Variants in GABRA5 observed in about 807,000 individuals in gnomAD.
GABRA5 encodes the protein gamma-aminobutyric acid receptor subunit alpha-5.
In GABRA5, 18 loss-of-function variants were observed where a neutral mutation model predicts 47.3. The observed-to-expected ratio is 0.38, with a 90% CI of 0.26 to 0.56. GABRA5 has a LOEUF of 0.56. Among genes scored for constraint, GABRA5 ranks in the 20% least tolerant of loss-of-function variants. The pLI is 0.71. For missense variants in GABRA5, 365 were observed against 599.3 expected (o/e 0.61, Z 4.08); for synonymous variants, 237 against 229.3 (o/e 1.03, Z -0.30).
intron 7 of GABRA5, among the ~76,000 whole-genome samples, chr15:26,935,770 C>A (rs907874892): frequency 6.6e-6 from 1 of 152,194 alleles, no homozygotes; most frequent in African/African-American, 2.4e-5. Flanking sequence ...TATCCTCCCC[C>A]CTGCATCTCT....
At chr15:26,912,096 T>C (rs1893610016) in intron 6 of GABRA5, among the ~76,000 whole-genome samples, 1 of 152,202 alleles carries the variant, frequency 6.6e-6, no homozygotes, top group Admixed American at 6.5e-5. Flanking sequence ...GCCCCGCGTG[T>C]TCCTGTTACA....
At chr15:26,938,718 TG>T (rs1894307687) in intron 8 of GABRA5, among the ~76,000 whole-genome samples, 1 of 152,208 alleles carries the variant, frequency 6.6e-6, no homozygotes, top group Non-Finnish European at 1.5e-5. Context: ...CTGCGGACTA[TG>T]GGGAAAGTGC....
chr15:26,884,831 A>G (rs1280886839), intron 6 of GABRA5, among the ~76,000 whole-genome samples: 1 of 152,210 alleles, frequency 6.6e-6, no homozygotes, highest in Non-Finnish European at 1.5e-5. Flanking sequence ...GCAGTCTTTC[A>G]TCCTGCTGCT....
In GABRA5 at chr15:26,883,170, C is replaced by A; in HGVS notation, c.213C>A (p.Arg71=). Residue 71 remains arginine, a synonymous_variant, in exon 5 of 11, where the codon CGC becomes CGA. Coordinates refer to ENST00000335625, the MANE Select transcript of GABRA5 (RefSeq NM_000810.4). This position sits in a 1 kb window ranked among gnomAD's most constrained non-coding sequence, Gnocchi z 4.8. ...GGACCTGTGTCTGTCTTTCAGAGCG[C>A]ATCACTCAGGTGAGGACCGACATCT... ...DNRLRPGLGE[R]ITQVRTDIYV... 1 of 1,613,654 alleles carries A rather than the reference C, an allele frequency of 6.2e-7. No homozygotes were observed. The highest frequency in any genetic ancestry group is 8.5e-7 in the Non-Finnish European group (1 of 1,179,602).
chr15:26,930,006 C>CTTT (rs72082419), intron 7 of GABRA5, among the ~76,000 whole-genome samples: 36 of 113,364 alleles, frequency 3.2e-4, no homozygotes, highest in African/African-American at 9.4e-4. Context: ...TCTTCTTCTT[C>CTTT]TTTTTTTTTT....
chr15:26,866,933 G>A (rs1490972491), upstream of GABRA5: 1 of 152,210 alleles, frequency 6.6e-6, no homozygotes, highest in Non-Finnish European at 1.5e-5. Context: ...GAGGGCCCTG[G>A]AGAAACTTCA....
chr15:26,902,926 G>A (rs1264418127), intron 6 of GABRA5, among the ~76,000 whole-genome samples: 1 of 152,084 alleles, frequency 6.6e-6, no homozygotes, highest in African/African-American at 2.4e-5. Flanking sequence ...TTAGCCTGTT[G>A]ATGTAATGGA....
intron 6 of GABRA5, among the ~76,000 whole-genome samples, chr15:26,903,899 T>G (rs192415153): frequency 3.3e-4 from 50 of 152,268 alleles, no homozygotes; most frequent in African/African-American, 1.2e-3. Context: ...AGATATTTTC[T>G]CTCATTCTAT....
chr15:26,909,566 C>A (rs1486405003), intron 6 of GABRA5, among the ~76,000 whole-genome samples: 2 of 152,196 alleles, frequency 1.3e-5, no homozygotes, highest in Non-Finnish European at 2.9e-5. Context: ...TTTGGACGCT[C>A]TAGGGGAGAG....
At chr15:26,938,187 G>A (rs1169173318) in intron 8 of GABRA5, among the ~76,000 whole-genome samples, 2 of 152,202 alleles carry the variant, frequency 1.3e-5, no homozygotes, top group Non-Finnish European at 2.9e-5. Flanking sequence ...GCACACACAC[G>A]CAGTCAGCAC....
intron 6 of GABRA5, among the ~76,000 whole-genome samples, chr15:26,887,339 T>C (rs1566867739): frequency 6.6e-6 from 1 of 152,154 alleles, no homozygotes; most frequent in Non-Finnish European, 1.5e-5. Flanking sequence ...TATTTATTTA[T>C]TTATTTTTGA....
At chr15:26,881,517 T>A (rs1892728944) in intron 4 of GABRA5, among the ~76,000 whole-genome samples, 1 of 152,216 alleles carries the variant, frequency 6.6e-6, no homozygotes, top group Non-Finnish European at 1.5e-5. Flanking sequence ...ATGTAGATTG[T>A]TCTTGTAGGG....
chr15:26,891,336 G>A (rs1014175736), intron 6 of GABRA5, among the ~76,000 whole-genome samples: 15 of 152,192 alleles, frequency 9.9e-5, no homozygotes, highest in Non-Finnish European at 1.9e-4. Context: ...ACATTTGGTA[G>A]TATCTTTATC....
rs1216797208 is a variant in GABRA5 at position 26,890,605 on chromosome 15, T to A, written c.497+7048T>A. 2.6e-5 allele frequency among the ~76,000 whole-genome samples: 4 copies of A among 152,264 alleles called. 1 individual carries two copies. The highest frequency in any genetic ancestry group is 2.6e-4 in the Admixed American group (4 of 15,290). ...AGGCACGCAGCCACACCATCCTTCA[T>A]GTCCTCAGTCACTGAAGACAGAGAC... On this transcript the variant is annotated intron_variant, in intron 6 of 10. Coordinates refer to ENST00000335625, the MANE Select transcript of GABRA5 (RefSeq NM_000810.4).
At chr15:26,936,866 A>C (rs1362106611) in intron 7 of GABRA5, among the ~76,000 whole-genome samples, 1 of 152,212 alleles carries the variant, frequency 6.6e-6, no homozygotes, top group South Asian at 2.1e-4. Context: ...CCAAAGTCAC[A>C]GAGCTGGAGG....
chr15:26,924,988 T>C (rs1270730119), intron 7 of GABRA5, among the ~76,000 whole-genome samples: 3 of 152,136 alleles, frequency 2.0e-5, no homozygotes, highest in Non-Finnish European at 4.4e-5. Flanking sequence ...CCTACATTTA[T>C]TTTATGTATA....
At chr15:26,903,526 GC>G (rs1464843804) in intron 6 of GABRA5, among the ~76,000 whole-genome samples, 3 of 152,036 alleles carry the variant, frequency 2.0e-5, no homozygotes, top group African/African-American at 7.2e-5. Flanking sequence ...TTGAGGAGTT[GC>G]CCCACTGCTT....
intron 9 of GABRA5, among the ~76,000 whole-genome samples, chr15:26,942,552 C>T (rs769168254): frequency 6.6e-6 from 1 of 152,180 alleles, no homozygotes; most frequent in Non-Finnish European, 1.5e-5. Context: ...CTACTGGCTG[C>T]GGCATGAATG....
intron 7 of GABRA5, among the ~76,000 whole-genome samples, chr15:26,931,877 G>C (rs1859060668): frequency 6.6e-6 from 1 of 152,116 alleles, no homozygotes; most frequent in African/African-American, 2.4e-5. Flanking sequence ...CAAACAGGAA[G>C]GGTCTTAAAT....
Sources: allele counts gnomAD v4.1 joint callset (sites outside exome capture counted in the v4.1 genomes callset), GRCh38; gene constraint gnomAD v4.1.1; non-coding constraint Gnocchi (gnomAD v3.1); transcripts MANE v1.5; gene names NCBI Gene and HGNC (gene_info 2026-07-23, HGNC 2026-07-21).